Variants in OR7D4 observed in about 807,000 individuals in gnomAD.
The protein encoded by OR7D4 is olfactory receptor 7D4.
For synonymous variants in OR7D4, 154 were observed against 158.4 expected, an observed-to-expected ratio of 0.97 and a Z score of 0.21; for missense variants, 319 against 377.1, an observed-to-expected ratio of 0.85 and a Z score of 1.27.
At position 9,213,666 on chromosome 19, in the gene OR7D4, A is replaced by C. The variant is rs2051186960; in HGVS notation, c.*233T>G. On this transcript the variant is annotated 3_prime_UTR_variant, in exon 2 of 2. Coordinates refer to ENST00000641669, the MANE Select transcript of OR7D4 (RefSeq NM_001005191.3). ...GGCAGGAGAACCGCTTCAACCTGGG[A>C]GGTAGAGGTTGCAGTGAGCCAAGAT... is the stretch of plus-strand genomic sequence containing the variant. The C allele has an allele frequency of 2.1e-6, 1 of 486,788 alleles. No homozygotes were observed. The highest frequency in any genetic ancestry group is 3.5e-5 in the Admixed American group (1 of 28,442). 30.2% of individuals were successfully genotyped at this position (486,788 alleles called of 1,614,324 possible). A position where few individuals can be genotyped will look rare whatever the true frequency, so the allele number is the denominator to read the frequency against.
chr19:9,211,601 T>C lies in OR7D4; in HGVS notation c.*2298A>G, dbSNP rs1395095379. The C allele has an allele frequency of 6.6e-6, 1 of 151,958 alleles. No homozygotes were observed. Among genetic ancestry groups the C allele is most frequent in the South Asian group, 2.1e-4 (1 of 4,808 alleles). 9.4% of individuals were successfully genotyped at this position (151,958 alleles called of 1,614,324 possible). A position where few individuals can be genotyped will look rare whatever the true frequency, so the allele number is the denominator to read the frequency against. On this transcript the variant is annotated 3_prime_UTR_variant, in exon 2 of 2. Transcript: ENST00000641669. ...GGGTCATGCCTGTAATCCCAGCACT[T>C]TGGGAGGCCGAGGCGGGTGGATCAC...
chr19:9,216,081 GACTT>G (rs2051208919), intron 1 of OR7D4, among the ~76,000 whole-genome samples: 1 of 152,104 alleles, frequency 6.6e-6, no homozygotes, highest in African/African-American at 2.4e-5. Flanking sequence ...GATCTCATGA[GACTT>G]ACTCACTATC....
intron 1 of OR7D4, among the ~76,000 whole-genome samples, chr19:9,216,266 C>T (rs1362305132): frequency 6.6e-6 from 1 of 152,164 alleles, no homozygotes; most frequent in Non-Finnish European, 1.5e-5. Flanking sequence ...TTATCATTTT[C>T]TGGGTCTCCC....
rs1457890219 is a variant in OR7D4 at position 9,219,213 on chromosome 19, G to T, written c.-27C>A. On this transcript the variant is annotated 5_prime_UTR_variant, in exon 1 of 2. Coordinates refer to ENST00000641669, the MANE Select transcript of OR7D4 (RefSeq NM_001005191.3). ...CATAGACAATACCTTGAGCATAGTA[G>T]ATCTTCCGTGAGTAGTTAATGAATA... The T allele has an allele frequency of 6.6e-6, 1 of 152,098 alleles. No individual in the cohort carries two copies. The highest frequency in any genetic ancestry group is 2.4e-5 in the African/African-American group (1 of 41,400). The allele number at this position is 152,098 out of a possible 1,614,324, so 9.4% of individuals were successfully genotyped here.
Position 9,214,686 on chromosome 19 carries a change from G to A in OR7D4, c.152C>T (p.Ser51Phe). 6.2e-7 allele frequency: 1 copy of A among 1,614,184 alleles called. No individual in the cohort carries two copies. The highest frequency in any genetic ancestry group is 8.5e-7 in the Non-Finnish European group (1 of 1,180,036). The change falls in exon 2 of 2, where the codon TCT becomes TTT. Residue 51 changes from serine to phenylalanine, a missense_variant. By Grantham distance (155) the Ser-to-Phe change is radical (BLOSUM62 -2). Coordinates refer to ENST00000641669, the MANE Select transcript of OR7D4 (RefSeq NM_001005191.3). ...CATGGGGGTGTGGAGGTGGGAGTCA[G>A]AGCTGACGGCCAGAATGATGAGCAG... ...GNLLIILAVS[S>F]DSHLHTPMYF...
chr19:9,211,029 G>A lies in OR7D4; in HGVS notation c.*2870C>T, dbSNP rs537979243. 8 of 152,330 alleles carry A rather than the reference G, an allele frequency of 5.3e-5. No individual in the cohort carries two copies. The highest frequency in any genetic ancestry group is 1.3e-4 in the Admixed American group (2 of 15,286). The allele number at this position is 152,330 out of a possible 1,614,324, so 9.4% of individuals were successfully genotyped here. On this transcript the variant is annotated 3_prime_UTR_variant, in exon 2 of 2. Coordinates refer to ENST00000641669, the MANE Select transcript of OR7D4 (RefSeq NM_001005191.3). ...GTCTTGAATGGTGAGGAACTCTACCGGAAGGCAGAGGGAAATCTCCATGGT... is the reference window on the plus strand; with the variant it reads ...GTCTTGAATGGTGAGGAACTCTACCAGAAGGCAGAGGGAAATCTCCATGGT...
chr19:9,214,149 G>A lies in OR7D4; in HGVS notation c.689C>T (p.Ser230Phe). The change falls in exon 2 of 2, where the codon TCC becomes TTC. Residue 230 changes from serine (S) to phenylalanine (F), a missense_variant. By Grantham distance (155) the Ser-to-Phe change is radical. Transcript: ENST00000641669. The stretch of plus-strand genomic sequence containing the variant: ...AAAGGCTTTGTACTTGCCCTTGGTG[G>A]AGGACATTCCCATTAAGGAGGAGAC... ...QIVSSLMGMS[S>F]TKGKYKAFST... The A allele has an allele frequency of 6.2e-7, 1 of 1,614,134 alleles. No individual in the cohort carries two copies. Among genetic ancestry groups the A allele is most frequent in the Non-Finnish European group, 8.5e-7 (1 of 1,179,988 alleles).
rs370488771 is a variant in OR7D4, at chr19:9,215,101, T to G, written c.-13-251A>C. On this transcript the variant is annotated intron_variant, in intron 1 of 1. Transcript: ENST00000641669. Reference sequence around the variant, plus strand: ...GGCTCACGCCTGTAATCCCAGCACTTTGGGAGGACAAGGTGGGCAGATCAC... The same window carrying G: ...GGCTCACGCCTGTAATCCCAGCACTGTGGGAGGACAAGGTGGGCAGATCAC... Among the ~76,000 whole-genome samples the G allele has an allele frequency of 2.6e-5, 4 of 152,228 alleles. No individual in the cohort carries two copies. In the South Asian group the frequency reaches 8.3e-4, roughly 32 times the overall value.
chr19:9,214,271 G>A lies in OR7D4; in HGVS notation c.567C>T (p.Cys189=), dbSNP rs2051192961. ...CAATGTTATTGAGGAGGGTGTTAGA[G>A]CAGGCCACCTTGAGGACCTGAGCCG... ...CEPAQVLKVA[C]SNTLLNNIVL... The change falls in exon 2 of 2, where the codon TGC becomes TGT. Residue 189 remains cysteine, a synonymous_variant. Transcript: ENST00000641669. 6.2e-7 allele frequency: 1 copy of A among 1,614,142 alleles called. No individual in the cohort carries two copies. The highest frequency in any genetic ancestry group is 8.5e-7 in the Non-Finnish European group (1 of 1,179,974).
Position 9,213,193 on chromosome 19 carries a change from G to A in OR7D4, c.*706C>T, listed in dbSNP as rs1312858334. 1 of 152,152 alleles carries A rather than the reference G, an allele frequency of 6.6e-6. No individual in the cohort carries two copies. The highest frequency in any genetic ancestry group is 1.9e-4 in the East Asian group (1 of 5,202). 9.4% of individuals were successfully genotyped at this position (152,152 alleles called of 1,614,324 possible). On this transcript the variant is annotated 3_prime_UTR_variant, in exon 2 of 2. Transcript: ENST00000641669. Reference sequence around the variant, plus strand: ...AGAGGACAAGAAAAAACTATACTAAGGTGAGGAACATCAACATTCAACAGG... The same window carrying A: ...AGAGGACAAGAAAAAACTATACTAAAGTGAGGAACATCAACATTCAACAGG...
Position 9,213,820 on chromosome 19 carries a change from AAAGAGCCGGAT to A in OR7D4, c.*68_*78del, listed in dbSNP as rs1402593768. The A allele has an allele frequency of 9.8e-7, 1 of 1,024,414 alleles. No homozygotes were observed. The highest frequency in any genetic ancestry group is 1.5e-6 in the Non-Finnish European group (1 of 684,376). The allele number at this position is 1,024,414 out of a possible 1,614,324, so 63.5% of individuals were successfully genotyped here. A position where few individuals can be genotyped will look rare whatever the true frequency, so the allele number is the denominator to read the frequency against. Reference sequence around the variant, plus strand: ...ATCAAGCACATTTTTTAAAAGAGAAAAAGAGCCGGATATTTAAACCCACAACATTTGCCTTA... The same window carrying A: ...ATCAAGCACATTTTTTAAAAGAGAAAATTTAAACCCACAACATTTGCCTTA... On this transcript the variant is annotated 3_prime_UTR_variant, in exon 2 of 2. Transcript: ENST00000641669.
chr19:9,215,109 A>C (rs985171021), intron 1 of OR7D4, among the ~76,000 whole-genome samples: 35 of 151,916 alleles, frequency 2.3e-4, no homozygotes, highest in African/African-American at 8.5e-4. Context: ...CTTTGGGAGG[A>C]CAAGGTGGGC....
In OR7D4 at chr19:9,213,653, G is replaced by A. The variant is rs1035159761; in HGVS notation, c.*246C>T. 10 of 444,470 alleles carry A rather than the reference G, an allele frequency of 2.2e-5. No individual in the cohort carries two copies. Among genetic ancestry groups the A allele is most frequent in the Non-Finnish European group, 3.7e-5 (9 of 244,242 alleles). The allele number at this position is 444,470 out of a possible 1,614,324, so 27.5% of individuals were successfully genotyped here. ...CTTGAGAGGCTGAGGCAGGAGAACC[G>A]CTTCAACCTGGGAGGTAGAGGTTGC... On this transcript the variant is annotated 3_prime_UTR_variant, in exon 2 of 2. Transcript: ENST00000641669.
At chr19:9,216,965 A>G (rs1232709710) in intron 1 of OR7D4, among the ~76,000 whole-genome samples, 1 of 152,144 alleles carries the variant, frequency 6.6e-6, no homozygotes, top group Non-Finnish European at 1.5e-5. Flanking sequence ...TATCCCCCTT[A>G]CATGGGGCAG....
chr19:9,217,024 G>A lies in OR7D4; in HGVS notation c.-13-2174C>T, dbSNP rs901740049. ...ACTGTGAATACAACAGGTCTGTTACGTCTTGTGACCACCACACAGGACTCT... is the reference window on the plus strand; with the variant it reads ...ACTGTGAATACAACAGGTCTGTTACATCTTGTGACCACCACACAGGACTCT... On this transcript the variant is annotated intron_variant, in intron 1 of 1. Coordinates refer to ENST00000641669, the MANE Select transcript of OR7D4 (RefSeq NM_001005191.3). Among the ~76,000 whole-genome samples, 11 of 152,298 alleles carry A rather than the reference G, an allele frequency of 7.2e-5. No homozygotes were observed. The East Asian group carries it at 7.7e-4, about 11-fold the overall frequency.
rs748394550 is a variant in OR7D4 at position 9,214,121 on chromosome 19, G to A, written c.717C>T (p.Ser239=). 4.3e-6 allele frequency: 7 copies of A among 1,614,066 alleles called. No individual in the cohort carries two copies. In the Admixed American group the frequency reaches 5.0e-5, roughly 12 times the overall value. The part of the protein sequence containing the change: ...SSTKGKYKAF[S]TCGSHLCVVS... ...CCACACAGAGGTGAGATCCACAGGT[G>A]GAAAAGGCTTTGTACTTGCCCTTGG... Residue 239 remains serine (S), a synonymous_variant, in exon 2 of 2, where the codon TCC becomes TCT. Transcript: ENST00000641669.
chr19:9,219,230 TAATG>T lies in OR7D4; in HGVS notation c.-48_-45del, dbSNP rs915303192. On this transcript the variant is annotated 5_prime_UTR_variant, in exon 1 of 2. Coordinates refer to ENST00000641669, the MANE Select transcript of OR7D4 (RefSeq NM_001005191.3). The stretch of plus-strand genomic sequence containing the variant: ...GCATAGTAGATCTTCCGTGAGTAGT[TAATG>T]AATAAGTAACTGGATGTACGAAATT... 1 of 152,134 alleles carries T rather than the reference TAATG, an allele frequency of 6.6e-6. No individual in the cohort carries two copies. Among genetic ancestry groups the T allele is most frequent in the Non-Finnish European group, 1.5e-5 (1 of 68,028 alleles). 9.4% of individuals were successfully genotyped at this position (152,134 alleles called of 1,614,324 possible). A position where few individuals can be genotyped will look rare whatever the true frequency, so the allele number is the denominator to read the frequency against.
Position 9,214,312 on chromosome 19 carries a change from G to A in OR7D4, c.526C>T (p.His176Tyr), listed in dbSNP as rs771995591. The A allele has an allele frequency of 8.7e-6, 14 of 1,614,158 alleles. No individual in the cohort carries two copies. Among genetic ancestry groups the A allele is most frequent in the Non-Finnish European group, 1.0e-5 (12 of 1,180,022 alleles). The change falls in exon 2 of 2, where the codon CAT (histidine) becomes TAT (tyrosine). Residue 176 changes from histidine to tyrosine, a missense_variant. By Grantham distance (83) the His-to-Tyr change is moderately conservative (BLOSUM62 2). Coordinates refer to ENST00000641669, the MANE Select transcript of OR7D4 (RefSeq NM_001005191.3). The part of the protein sequence containing the change: ...LTFSTGTEIP[H>Y]FFCEPAQVLK... ...ACCTGAGCCGGTTCACAGAAGAAAT[G>A]CGGAATCTCAGTGCCTGTGGAGAAG... is the stretch of plus-strand genomic sequence containing the variant.
intron 1 of OR7D4, among the ~76,000 whole-genome samples, chr19:9,218,843 A>G (rs1030125181): frequency 3.3e-5 from 5 of 152,228 alleles, no homozygotes; most frequent in East Asian, 3.9e-4. Context: ...CATGTTAGCC[A>G]GGCTGGTCTC....
Sources: allele counts gnomAD v4.1 joint callset (sites outside exome capture counted in the v4.1 genomes callset), GRCh38; gene constraint gnomAD v4.1.1; transcripts MANE v1.5; gene names NCBI Gene and HGNC (gene_info 2026-07-23, HGNC 2026-07-21).